The following NLGN1 variants were observed in gnomAD, a reference collection of about 807,000 sequenced individuals.
NLGN1 encodes neuroligin-1.
NLGN1 carries 12 observed loss-of-function variants against 65.5 expected under a neutral mutation model. The ratio of observed to expected loss-of-function variants is 0.18; its 90% confidence interval spans 0.12 to 0.30. The LOEUF is 0.30. NLGN1 is among the 10% of genes least tolerant of loss of function. The pLI, the probability that NLGN1 is intolerant of heterozygous loss-of-function variation, is 1.00. For missense variants in NLGN1, 750 were observed against 1,007.1 expected, an observed-to-expected ratio of 0.74 and a Z score of 3.46; for synonymous variants, 350 against 359.5, an observed-to-expected ratio of 0.97 and a Z score of 0.30.
chr3:173,775,540 A>T (rs1024312016), intron 3 of NLGN1, among the ~76,000 whole-genome samples: 2 of 152,082 alleles, frequency 1.3e-5, no homozygotes, highest in African/African-American at 2.4e-5. Context: ...GTTATATAAC[A>T]TATGTAAAGC....
chr3:173,517,107 C>T (rs1400860021), intron 2 of NLGN1, among the ~76,000 whole-genome samples: 4 of 152,022 alleles, frequency 2.6e-5, no homozygotes, highest in African/African-American at 7.2e-5. Flanking sequence ...ATAAAAGCTT[C>T]TTCTAGTTTC....
chr3:173,594,850 T>C (rs1037303461), intron 2 of NLGN1, among the ~76,000 whole-genome samples: 1 of 152,230 alleles, frequency 6.6e-6, no homozygotes, highest in African/African-American at 2.4e-5. Flanking sequence ...CTGCCAAGGC[T>C]TGGGGCTTGC....
intron 4 of NLGN1, among the ~76,000 whole-genome samples, chr3:173,958,118 A>G (rs1468685920): frequency 1.3e-5 from 2 of 152,118 alleles, no homozygotes; most frequent in Non-Finnish European, 2.9e-5. Context: ...GGGAGCTCCT[A>G]GGTCTGGGAT....
chr3:174,140,851 C>T (rs569526084), intron 4 of NLGN1, among the ~76,000 whole-genome samples: 18 of 151,996 alleles, frequency 1.2e-4, no homozygotes, highest in African/African-American at 3.6e-4. Flanking sequence ...AATTTTATAG[C>T]CAAAAGTTGA....
chr3:173,594,605 C>T (rs1420486126), intron 2 of NLGN1, among the ~76,000 whole-genome samples: 1 of 152,196 alleles, frequency 6.6e-6, no homozygotes, highest in East Asian at 1.9e-4. Context: ...GAAGGTGGCC[C>T]TCTTCTCACA....
chr3:173,746,340 T>C (rs1005412224), intron 3 of NLGN1, among the ~76,000 whole-genome samples: 10 of 152,112 alleles, frequency 6.6e-5, no homozygotes, highest in African/African-American at 2.4e-4. Context: ...ATATTTCATT[T>C]TCTGTTCTTA....
intron 4 of NLGN1, among the ~76,000 whole-genome samples, chr3:174,212,035 C>T (rs939136411): frequency 6.6e-6 from 1 of 152,136 alleles, no homozygotes; most frequent in African/African-American, 2.4e-5. Context: ...GGTGTTCGCC[C>T]GGGAGGCTCG....
chr3:173,891,160 G>T (rs933395991), intron 4 of NLGN1, among the ~76,000 whole-genome samples: 1 of 152,122 alleles, frequency 6.6e-6, no homozygotes. Context: ...TGTCATACAG[G>T]TTGACAGGTA....
chr3:173,587,568 TCCATCTTAC>T (rs1430306359), intron 2 of NLGN1, among the ~76,000 whole-genome samples: 2 of 152,140 alleles, frequency 1.3e-5, no homozygotes, highest in African/African-American at 4.8e-5. Flanking sequence ...TCCATTTAGC[TCCATCTTAC>T]CCAATACATG....
intron 4 of NLGN1, among the ~76,000 whole-genome samples, chr3:173,880,221 T>C (rs956785907): frequency 1.3e-5 from 2 of 152,110 alleles, no homozygotes; most frequent in African/African-American, 4.8e-5. Flanking sequence ...TGCTCACATG[T>C]AGATTGTGTG....
chr3:173,667,866 C>T (rs1761931096), intron 3 of NLGN1, among the ~76,000 whole-genome samples: 1 of 152,156 alleles, frequency 6.6e-6, no homozygotes, highest in African/African-American at 2.4e-5. Context: ...CTCCTGACCT[C>T]ATGATCCGCT....
chr3:173,977,760 T>G (rs1717839225), intron 4 of NLGN1, among the ~76,000 whole-genome samples: 1 of 152,006 alleles, frequency 6.6e-6, no homozygotes, highest in African/African-American at 2.4e-5. Context: ...AGATGAGATG[T>G]AAAGTAGGCA....
intron 3 of NLGN1, among the ~76,000 whole-genome samples, chr3:173,665,482 T>C (rs1193856261): frequency 6.6e-6 from 1 of 152,140 alleles, no homozygotes; most frequent in Admixed American, 6.6e-5. Context: ...AGTGGCAGAA[T>C]GGCACAACTG....
intron 3 of NLGN1, among the ~76,000 whole-genome samples, chr3:173,759,304 T>A (rs1777604271): frequency 6.6e-6 from 1 of 152,040 alleles, no homozygotes; most frequent in African/African-American, 2.4e-5. Context: ...AAATGCATTT[T>A]TAAATAATTT....
At chr3:173,698,033 G>GAAAAAA in intron 3 of NLGN1, among the ~76,000 whole-genome samples, 1 of 145,636 alleles carries the variant, frequency 6.9e-6, no homozygotes, top group African/African-American at 2.5e-5. Flanking sequence ...CTTAAAAAAT[G>GAAAAAA]AAAAAAAAAA....
At chr3:173,946,359 A>G (rs1320036237) in intron 4 of NLGN1, among the ~76,000 whole-genome samples, 1 of 152,034 alleles carries the variant, frequency 6.6e-6, no homozygotes, top group African/African-American at 2.4e-5. Context: ...TGTTTTCTTC[A>G]TAGGAAGGTT....
intron 2 of NLGN1, among the ~76,000 whole-genome samples, chr3:173,550,114 T>TG (rs1482679665): frequency 6.6e-5 from 10 of 152,110 alleles, no homozygotes; most frequent in Admixed American, 3.9e-4. Context: ...AAGGTCTTCA[T>TG]GCTGCCTACA....
intron 4 of NLGN1, among the ~76,000 whole-genome samples, chr3:173,985,023 T>C (rs1306285901): frequency 6.6e-6 from 1 of 152,078 alleles, no homozygotes; most frequent in Non-Finnish European, 1.5e-5. Context: ...GCCTGGGCAA[T>C]AGAGGGAGAC....
At chr3:174,294,282 A>G in the NLGN1 span, among the ~76,000 whole-genome samples, 3 of 151,624 alleles carry the variant, frequency 2.0e-5, no homozygotes, top group African/African-American at 7.2e-5. Flanking sequence ...GTATTCCTTT[A>G]CTTTGTATAT....
Sources: allele counts gnomAD v4.1 joint callset (sites outside exome capture counted in the v4.1 genomes callset), GRCh38; gene constraint gnomAD v4.1.1; transcripts MANE v1.5; gene names NCBI Gene and HGNC (gene_info 2026-07-23, HGNC 2026-07-21).